The following HOXA3 variants were observed in gnomAD, a reference collection of about 807,000 sequenced individuals.
HOXA3 encodes the protein homeobox protein Hox-A3.
Under a neutral mutation model 30.3 loss-of-function variants are expected in HOXA3, and 8 were observed. That is an observed-to-expected ratio of 0.26 (90% confidence interval 0.15 to 0.48). The LOEUF (loss-of-function observed/expected upper bound fraction) is 0.48, where lower values mean the gene tolerates loss of function less well. Ranked by LOEUF, HOXA3 falls within the 20% of genes least tolerant of loss-of-function variation. HOXA3 has a pLI of 0.99. For synonymous variants in HOXA3, 323 were observed against 273.1 expected, an observed-to-expected ratio of 1.18 and a Z score of -1.80; for missense variants, 653 against 614.4, an observed-to-expected ratio of 1.06 and a Z score of -0.66.
At chr7:27,124,337 C>G (rs1011732019) in intron 3 of HOXA3, 3 of 152,250 alleles carry the variant, frequency 2.0e-5, no homozygotes, top group Non-Finnish European at 4.4e-5. Flanking sequence ...GCAGCCTTCC[C>G]CAGCGTGAAT....
chr7:27,147,594 G>A (rs1423199693), intron 1 of HOXA3: 2 of 1,614,142 alleles, frequency 1.2e-6, no homozygotes, highest in Non-Finnish European at 1.7e-6. Context: ...AAGGTGAGGT[G>A]TACGTCTTGT....
chr7:27,148,006 G>A (rs1315760221), intron 1 of HOXA3, among the ~76,000 whole-genome samples: 1 of 152,252 alleles, frequency 6.6e-6, no homozygotes, highest in Non-Finnish European at 1.5e-5. Context: ...AGATTAATGG[G>A]CGCGCACAGC....
chr7:27,140,069 G>T lies in HOXA3; in HGVS notation c.-390+14C>A, dbSNP rs1782507479. On this transcript the variant is annotated intron_variant, in intron 2 of 5. Coordinates refer to ENST00000612286, the MANE Select transcript of HOXA3 (RefSeq NM_153631.3). The stretch of plus-strand genomic sequence containing the variant: ...GTACAAATAAACTTGAAAGCGCTCA[G>T]GAGGCGAGCTTACCTTAACTCGGAG... The T allele has an allele frequency of 6.6e-6, 1 of 150,818 alleles. No homozygotes were observed. Among genetic ancestry groups the T allele is most frequent in the South Asian group, 2.1e-4 (1 of 4,808 alleles). The allele number at this position is 150,818 out of a possible 1,614,324, so 9.3% of individuals were successfully genotyped here.
chr7:27,115,905 G>C (rs954799183), intron 4 of HOXA3: 1 of 152,682 alleles, frequency 6.5e-6, no homozygotes, highest in African/African-American at 2.4e-5. Flanking sequence ...AAATCCAAAG[G>C]ACTGGCTTTG....
At chr7:27,143,610 GT>G in intron 1 of HOXA3, 1 of 1,589,774 alleles carries the variant, frequency 6.3e-7, no homozygotes, top group Non-Finnish European at 8.6e-7. Flanking sequence ...GAGCTCATTT[GT>G]TTTTTGATAT....
In HOXA3 at chr7:27,110,479, A is replaced by G. The variant is rs1417683440; in HGVS notation, c.162T>C (p.Ser54=). 6.2e-7 allele frequency: 1 copy of G among 1,601,962 alleles called. No individual in the cohort carries two copies. The highest frequency in any genetic ancestry group is 2.3e-5 in the East Asian group (1 of 44,430). ...EYHRPACSLQ[S]PSSAGGHPKA... ...TGGGGTGGCCCCCGGCGCTGGAGGG[A>G]GACTGGAGGGAGCAGGCGGGTCGGT... The change falls in exon 5 of 6, where the codon TCT becomes TCC. Residue 54 remains serine (S), a synonymous_variant. Transcript: ENST00000612286.
At chr7:27,120,142 C>T (rs1274129697) in intron 4 of HOXA3, among the ~76,000 whole-genome samples, 2 of 152,110 alleles carry the variant, frequency 1.3e-5, no homozygotes, top group African/African-American at 4.8e-5. Flanking sequence ...GGAGGTATTG[C>T]TGGCAAATTC....
At chr7:27,147,422 G>A (rs769386246) in intron 1 of HOXA3, 2 of 1,614,218 alleles carry the variant, frequency 1.2e-6, no homozygotes, top group East Asian at 4.5e-5. Flanking sequence ...GGTTTGTACT[G>A]CTGCTCGGGA....
At chr7:27,142,012 C>T (rs370895272) in intron 1 of HOXA3, 1 of 1,614,224 alleles carries the variant, frequency 6.2e-7, no homozygotes, top group Non-Finnish European at 8.5e-7. Context: ...AGTGGAACTC[C>T]TTCTCCAGCT....
intron 4 of HOXA3, chr7:27,116,123 T>A (rs1390812253): frequency 6.5e-6 from 1 of 152,686 alleles, no homozygotes; most frequent in Non-Finnish European, 1.5e-5. Flanking sequence ...GCAGAGCTTT[T>A]CTTTACTGAG....
Position 27,129,864 on chromosome 7 carries a change from G to T in HOXA3, c.-389-2794C>A, listed in dbSNP as rs549643528. 48 of 605,546 alleles carry T rather than the reference G, an allele frequency of 7.9e-5. No homozygotes were observed. In the African/African-American group the frequency reaches 8.1e-4, roughly 10 times the overall value. 37.5% of individuals were successfully genotyped at this position (605,546 alleles called of 1,614,324 possible). A position where few individuals can be genotyped will look rare whatever the true frequency, so the allele number is the denominator to read the frequency against. Reference sequence around the variant, plus strand: ...TGCCAGGGCAATTAAATTTATGGGGGCTATAATTACTGCCCTAACAGTTTG... The same window carrying T: ...TGCCAGGGCAATTAAATTTATGGGGTCTATAATTACTGCCCTAACAGTTTG... On this transcript the variant is annotated intron_variant, in intron 2 of 5. Transcript: ENST00000612286.
intron 2 of HOXA3, among the ~76,000 whole-genome samples, chr7:27,136,573 G>A (rs1009787329): frequency 1.3e-5 from 2 of 152,150 alleles, no homozygotes; most frequent in African/African-American, 4.8e-5. Flanking sequence ...GTACTAAAGC[G>A]TGCTCTGCTG....
At chr7:27,124,748 A>T (rs1288494910) in intron 3 of HOXA3, 1 of 152,172 alleles carries the variant, frequency 6.6e-6, no homozygotes, top group East Asian at 1.9e-4. Context: ...TCCCTTGCAC[A>T]GGCGCTACAC....
chr7:27,143,302 G>A (rs779199840), intron 1 of HOXA3: 13 of 1,601,806 alleles, frequency 8.1e-6, no homozygotes, highest in Non-Finnish European at 1.0e-5. Context: ...CGGCGGAGCA[G>A]GGCAGCGGAT....
At chr7:27,130,262 C>A in intron 2 of HOXA3, 1 of 1,184,218 alleles carries the variant, frequency 8.4e-7, no homozygotes, top group Non-Finnish European at 1.0e-6. Context: ...GGGGCCGCCT[C>A]GCAGCGCCGC....
chr7:27,108,689 C>T lies in HOXA3; in HGVS notation c.558G>A (p.Pro186=). Residue 186 remains proline (P), a synonymous_variant, in exon 6 of 6, where the codon CCG becomes CCA. Coordinates refer to ENST00000612286, the MANE Select transcript of HOXA3 (RefSeq NM_153631.3). The surrounding 1 kb of genome is among the most constrained non-coding windows in gnomAD (Gnocchi z 5.0). ...GESCAGDKSP[P]GQASSKRART... ...GCGCGCGCTTGGACGAAGCCTGCCC[C>T]GGCGGGCTCTTGTCGCCAGCGCAGC... 6.2e-7 allele frequency: 1 copy of T among 1,606,520 alleles called. No homozygotes were observed. Among genetic ancestry groups the T allele is most frequent in the Non-Finnish European group, 8.5e-7 (1 of 1,174,534 alleles).
chr7:27,118,727 C>T (rs528845226), intron 4 of HOXA3, among the ~76,000 whole-genome samples: 22 of 152,370 alleles, frequency 1.4e-4, no homozygotes, highest in African/African-American at 4.6e-4. Context: ...GGATCCTGCA[C>T]ACCCATGCAC....
At position 27,108,158 on chromosome 7, in the gene HOXA3, G is replaced by C; in HGVS notation, c.1089C>G (p.Ser363Arg). Reference sequence around the variant, plus strand: ...CATAGCTGCCCCCCACGAAGACGGGGCTTCCCTGTATGTGTGGGGTCCCAT... The same window carrying C: ...CATAGCTGCCCCCCACGAAGACGGGCCTTCCCTGTATGTGTGGGGTCCCAT... ...GSYGTPHIQG[S>R]PVFVGGSYVE... The change falls in exon 6 of 6, where the codon AGC becomes AGG. Residue 363 changes from serine (S) to arginine (R), a missense_variant. Coordinates refer to ENST00000612286, the MANE Select transcript of HOXA3 (RefSeq NM_153631.3). The surrounding 1 kb of genome is among the most constrained non-coding windows in gnomAD (Gnocchi z 5.0). 6.3e-7 allele frequency: 1 copy of C among 1,579,234 alleles called. No individual in the cohort carries two copies. Among genetic ancestry groups the C allele is most frequent in the Non-Finnish European group, 8.6e-7 (1 of 1,159,142 alleles).
intron 1 of HOXA3, chr7:27,143,610 G>T (rs774226162): frequency 6.3e-7 from 1 of 1,589,774 alleles, no homozygotes; most frequent in South Asian, 1.1e-5. Context: ...GAGCTCATTT[G>T]TTTTTTGATA....
Sources: gnomAD v4.1 joint callset for allele counts (sites outside exome capture counted in the v4.1 genomes callset) on GRCh38, gnomAD v4.1.1 for gene constraint, Gnocchi (gnomAD v3.1) non-coding constraint, MANE v1.5 for transcripts, NCBI Gene and HGNC (gene_info 2026-07-23, HGNC 2026-07-21) for gene names.